The following MGAT4C variants were observed in gnomAD, a reference collection of about 807,000 sequenced individuals.
MGAT4C encodes the protein alpha-1,3-mannosyl-glycoprotein 4-beta-N-acetylglucosaminyltransferase C.
A neutral mutation model predicts 40.1 loss-of-function variants in MGAT4C; 19 were observed. The observed-to-expected ratio is 0.47, with a 90% confidence interval of 0.33 to 0.70. The LOEUF (loss-of-function observed/expected upper bound fraction) is 0.70. Among genes scored for constraint, MGAT4C ranks in the 30% least tolerant of loss-of-function variants. The pLI is 0.02. For synonymous variants in MGAT4C, 181 were observed against 187.1 expected (o/e 0.97, Z 0.27); for missense variants, 491 against 563.2 (o/e 0.87, Z 1.30).
intron 3 of MGAT4C, among the ~76,000 whole-genome samples, chr12:86,363,474 A>G (rs1384178134): frequency 1.3e-5 from 2 of 152,222 alleles, no homozygotes; most frequent in African/African-American, 2.4e-5. Flanking sequence ...AGTTGGGGGG[A>G]AAATTTATAG....
chr12:86,823,466 T>A (rs539298492), intron 1 of MGAT4C, among the ~76,000 whole-genome samples: 11 of 151,092 alleles, frequency 7.3e-5, no homozygotes, highest in African/African-American at 2.7e-4. Context: ...GGAAAAAAAA[T>A]TAACAGATAA....
intron 4 of MGAT4C, among the ~76,000 whole-genome samples, chr12:86,285,705 T>C (rs1953336416): frequency 6.6e-6 from 1 of 151,904 alleles, no homozygotes; most frequent in Non-Finnish European, 1.5e-5. Context: ...CTGATGTCTT[T>C]AGAGATGTAT....
chr12:86,522,705 C>T (rs978683273), intron 2 of MGAT4C, among the ~76,000 whole-genome samples: 1 of 152,030 alleles, frequency 6.6e-6, no homozygotes. Context: ...TGGTAAAATT[C>T]AGTAGTGAAT....
chr12:86,661,795 C>A (rs1963986157), intron 2 of MGAT4C, among the ~76,000 whole-genome samples: 1 of 151,828 alleles, frequency 6.6e-6, no homozygotes, highest in African/African-American at 2.4e-5. Context: ...AAAAATTAGC[C>A]GGGCGTGGTG....
intron 1 of MGAT4C, among the ~76,000 whole-genome samples, chr12:86,806,009 T>A (rs374466295): frequency 2.0e-5 from 3 of 151,948 alleles, no homozygotes; most frequent in African/African-American, 7.2e-5. Context: ...TGGCCACTTG[T>A]ATCTCTTCTT....
chr12:86,086,246 G>C (rs550612535), intron 1 of MGAT4C, among the ~76,000 whole-genome samples: 4 of 152,168 alleles, frequency 2.6e-5, no homozygotes, highest in Admixed American at 2.6e-4. Context: ...GCAAGGACAT[G>C]GATGAAGCTG....
At chr12:86,704,603 T>C (rs1302253484) in intron 2 of MGAT4C, among the ~76,000 whole-genome samples, 1 of 152,136 alleles carries the variant, frequency 6.6e-6, no homozygotes, top group Non-Finnish European at 1.5e-5. Context: ...TTGAAGCACC[T>C]ATTATTTACA....
Position 86,060,914 on chromosome 12 carries a change from T to C in MGAT4C, c.-56-11191A>G, listed in dbSNP as rs1191247944. ...AACTAATAGGGGAAATTTCATATGC[T>C]TCTTGGGGGAACATGTAGGGAGGAA... On this transcript the variant is annotated intron_variant, in intron 1 of 4. Coordinates refer to ENST00000611864, the MANE Select transcript of MGAT4C (RefSeq NM_001351288.2). Among the ~76,000 whole-genome samples the C allele has an allele frequency of 2.0e-5, 3 of 152,154 alleles. No individual in the cohort carries two copies. The East Asian group carries it at 5.8e-4, about 29-fold the overall frequency.
At chr12:85,988,964 T>C (rs900259245) in intron 3 of MGAT4C, among the ~76,000 whole-genome samples, 1 of 152,010 alleles carries the variant, frequency 6.6e-6, no homozygotes, top group African/African-American at 2.4e-5. Context: ...CTTATACAAA[T>C]AGCACAATTA....
Position 85,980,003 on chromosome 12 carries a change from A to T in MGAT4C, c.723T>A (p.Ile241=), listed in dbSNP as rs1365790415. The T allele has an allele frequency of 6.2e-7, 1 of 1,613,710 alleles. No homozygotes were observed. The change falls in exon 5 of 5, where the codon ATT becomes ATA. Residue 241 remains isoleucine (I), a synonymous_variant. Coordinates refer to ENST00000611864, the MANE Select transcript of MGAT4C (RefSeq NM_001351288.2). ...CCCAGTAAGTTCCTTCTAGGGATGC[A>T]ATGACTTTCTTGATGGCAGTTAAGA... ...KNFLTAIKKV[I]ASLEGTYWVT... is the part of the protein sequence containing the mutation.
intron 2 of MGAT4C, among the ~76,000 whole-genome samples, chr12:86,477,955 T>TAG (rs1188674110): frequency 6.6e-6 from 1 of 152,182 alleles, no homozygotes; most frequent in Non-Finnish European, 1.5e-5. Context: ...AACTTGGACT[T>TAG]ACAAATTTGC....
intron 1 of MGAT4C, among the ~76,000 whole-genome samples, chr12:86,785,617 T>A (rs1472454683): frequency 6.6e-6 from 1 of 151,810 alleles, no homozygotes; most frequent in Non-Finnish European, 1.5e-5. Context: ...ATAACAATAG[T>A]CAATAAAATA....
intron 2 of MGAT4C, among the ~76,000 whole-genome samples, chr12:86,484,768 C>T (rs1333251602): frequency 6.6e-6 from 1 of 152,134 alleles, no homozygotes; most frequent in African/African-American, 2.4e-5. Context: ...ATGCCCAGAA[C>T]ACCTGCCAAA....
chr12:86,064,224 T>G (rs1459055840), intron 1 of MGAT4C, among the ~76,000 whole-genome samples: 1 of 152,024 alleles, frequency 6.6e-6, no homozygotes, highest in Non-Finnish European at 1.5e-5. Flanking sequence ...TGCAATCAAA[T>G]TAGAACTCAG....
chr12:86,779,643 G>C (rs1951803302), intron 1 of MGAT4C, among the ~76,000 whole-genome samples: 1 of 152,080 alleles, frequency 6.6e-6, no homozygotes, highest in South Asian at 2.1e-4. Flanking sequence ...GCCGGGAGCG[G>C]TGGCTTACTC....
At chr12:86,626,473 G>T (rs997768056) in intron 2 of MGAT4C, among the ~76,000 whole-genome samples, 1 of 152,088 alleles carries the variant, frequency 6.6e-6, no homozygotes, top group African/African-American at 2.4e-5. Flanking sequence ...AACAACTTAT[G>T]CTGTTGTAGT....
Position 86,298,656 on chromosome 12 carries a change from G to A in MGAT4C, c.-57+35409C>T, listed in dbSNP as rs59825927. ...TAAAGCTGTGAAAAATTGTTTTGGA[G>A]AAATTTTAATGAATTTTTAAAATTC... is the stretch of plus-strand genomic sequence containing the variant. On this transcript the variant is annotated intron_variant, in intron 4 of 7. Coordinates refer to the MGAT4C transcript ENST00000548651. Among the ~76,000 whole-genome samples, 457 of 152,164 alleles carry A rather than the reference G, an allele frequency of 3.0e-3. 2 individuals are homozygous for A. The highest frequency in any genetic ancestry group is 0.01 in the African/African-American group (436 of 41,536).
intron 2 of MGAT4C, among the ~76,000 whole-genome samples, chr12:86,587,862 G>A (rs1019805347): frequency 2.6e-5 from 4 of 151,756 alleles, no homozygotes; most frequent in Non-Finnish European, 5.9e-5. Context: ...AGACAATGGG[G>A]TTTTCTAGAT....
chr12:86,683,860 G>C (rs552456035), intron 2 of MGAT4C, among the ~76,000 whole-genome samples: 5 of 152,190 alleles, frequency 3.3e-5, no homozygotes, highest in African/African-American at 1.2e-4. Flanking sequence ...CTTCCTTCTT[G>C]TTGCAGCTGA....
Sources: allele counts gnomAD v4.1 joint callset (sites outside exome capture counted in the v4.1 genomes callset), GRCh38; gene constraint gnomAD v4.1.1; transcripts MANE v1.5; gene names NCBI Gene and HGNC (gene_info 2026-07-23, HGNC 2026-07-21).